The following TMEM63A variants were observed in gnomAD, a reference collection of about 807,000 sequenced individuals.
TMEM63A encodes the protein mechanosensitive cation channel TMEM63A.
In TMEM63A, 76 loss-of-function variants were observed where a neutral mutation model predicts 100.6. The ratio of observed to expected loss-of-function variants is 0.76; its 90% CI spans 0.63 to 0.91. The LOEUF is 0.91. TMEM63A is among the 40% of genes least tolerant of loss of function. TMEM63A has a pLI of 0.00. For missense variants in TMEM63A, 876 were observed against 1,008.8 expected (o/e 0.87, Z 1.78); for synonymous variants, 401 against 401.1 (o/e 1.00, Z 0.00).
Position 225,877,596 on chromosome 1 carries a change from T to C in TMEM63A, c.-14-2A>G. 6.2e-7 allele frequency: 1 copy of C among 1,609,976 alleles called. No individual in the cohort carries two copies. Among genetic ancestry groups the C allele is most frequent in the Non-Finnish European group, 8.5e-7 (1 of 1,177,586 alleles). On this transcript the variant is annotated splice_acceptor_variant, in intron 2 of 24. Transcript: ENST00000366835. LOFTEE classifies it low-confidence loss of function (5UTR_SPLICE). Reference sequence around the variant, plus strand: ...AGTCCATCATCGCGCCTGTCTTCCCTGGAGCACAGGACAACAGGACAAGGC... The same window carrying C: ...AGTCCATCATCGCGCCTGTCTTCCCCGGAGCACAGGACAACAGGACAAGGC...
intron 2 of TMEM63A, among the ~76,000 whole-genome samples, chr1:225,878,726 C>T (rs1241182202): frequency 6.6e-6 from 1 of 152,128 alleles, no homozygotes; most frequent in African/African-American, 2.4e-5. Context: ...CTAGCTGTTA[C>T]AGGGACAAAG....
chr1:225,859,649 G>GCTTTT (rs746371875), intron 14 of TMEM63A: 5,353 of 268,698 alleles, frequency 0.02, 283 homozygotes, highest in African/African-American at 0.12. Context: ...TTCTTTTTCT[G>GCTTTT]TTTTTTTTTT....
intron 5 of TMEM63A, chr1:225,871,715 T>C (rs1202949846): frequency 4.7e-6 from 2 of 427,246 alleles, no homozygotes; most frequent in Non-Finnish European, 8.3e-6. Context: ...TTAACTGTCA[T>C]ACAAAGCCAT....
intron 6 of TMEM63A, 32 bp downstream of exon 6, chr1:225,871,044 G>T: frequency 6.2e-7 from 1 of 1,612,294 alleles, no homozygotes; most frequent in Admixed American, 1.7e-5. Context: ...CAGCCCAAAG[G>T]CCCCCCAGCA....
At chr1:225,877,696 C>T (rs1670879992) in intron 2 of TMEM63A, 102 bp from the exon 3 acceptor site, 1 of 1,220,028 alleles carries the variant, frequency 8.2e-7, no homozygotes, top group Non-Finnish European at 1.1e-6. Context: ...TTCCCAGGGA[C>T]TGATCGGGCA....
chr1:225,843,000 C>T (rs960735202), downstream of TMEM63A, among the ~76,000 whole-genome samples: 1 of 152,208 alleles, frequency 6.6e-6, no homozygotes, highest in African/African-American at 2.4e-5. Context: ...GGGCCCATCC[C>T]TTTATTCCTT....
Position 225,867,201 on chromosome 1 carries a change from T to A in TMEM63A, c.515-38A>T. Reference sequence around the variant, plus strand: ...ACAGATACTTAGTTCCAGGGTCATGTGGGGAAGCAGGAGGGGGCGTAACCA... The same window carrying A: ...ACAGATACTTAGTTCCAGGGTCATGAGGGGAAGCAGGAGGGGGCGTAACCA... On this transcript the variant is annotated intron_variant, in intron 7 of 24. Coordinates refer to ENST00000366835, the MANE Select transcript of TMEM63A (RefSeq NM_014698.3). The surrounding 1 kb of genome is among the most constrained non-coding windows in gnomAD (Gnocchi z 4.6). The A allele has an allele frequency of 6.2e-7, 1 of 1,611,424 alleles. No homozygotes were observed. Among genetic ancestry groups the A allele is most frequent in the Non-Finnish European group, 8.5e-7 (1 of 1,177,574 alleles).
At chr1:225,847,542 G>A (rs1032663805) in intron 23 of TMEM63A, 1 of 227,780 alleles carries the variant, frequency 4.4e-6, no homozygotes, top group African/African-American at 2.3e-5. Flanking sequence ...TACCTATATA[G>A]GGGGGCTTAG....
intron 6 of TMEM63A, among the ~76,000 whole-genome samples, chr1:225,870,786 G>A (rs1307190329): frequency 6.6e-6 from 1 of 152,122 alleles, no homozygotes; most frequent in Non-Finnish European, 1.5e-5. Context: ...CTATCTTCAA[G>A]AACTCTTGGG....
chr1:225,845,893 C>T lies in TMEM63A; in HGVS notation c.*1046G>A. Reference sequence around the variant, plus strand: ...CCTACAGAGGTGCCAAGGCCCCAGGCCAGTTGTGCTAGGAGCCTGGACCTG... The same window carrying T: ...CCTACAGAGGTGCCAAGGCCCCAGGTCAGTTGTGCTAGGAGCCTGGACCTG... On this transcript the variant is annotated 3_prime_UTR_variant, in exon 25 of 25. Coordinates refer to ENST00000366835, the MANE Select transcript of TMEM63A (RefSeq NM_014698.3). The T allele has an allele frequency of 1.1e-5, 2 of 188,792 alleles. No homozygotes were observed. Among genetic ancestry groups the T allele is most frequent in the Non-Finnish European group, 1.1e-5 (1 of 89,626 alleles). 11.7% of individuals were successfully genotyped at this position (188,792 alleles called of 1,614,324 possible). A position where few individuals can be genotyped will look rare whatever the true frequency, so the allele number is the denominator to read the frequency against.
chr1:225,847,066 C>T lies in TMEM63A; in HGVS notation c.2398G>A (p.Val800Met). 6.2e-7 allele frequency: 1 copy of T among 1,612,786 alleles called. No homozygotes were observed. Among genetic ancestry groups the T allele is most frequent in the Non-Finnish European group, 8.5e-7 (1 of 1,179,490 alleles). Reference protein sequence around the residue: ...QCLAQSATGSVAAAPQEA With the variant: ...QCLAQSATGSMAAAPQEA ...CAGGCCTCCTGGGGGGCAGCAGCCA[C>T]ACTGCCCGTGGCGCTCTGCGCCAAG... Residue 800 changes from valine to methionine, a missense_variant, in exon 24 of 25, where the codon GTG becomes ATG. Val to Met is a conservative substitution (Grantham distance 21). Coordinates refer to ENST00000366835, the MANE Select transcript of TMEM63A (RefSeq NM_014698.3).
rs769464577 is a variant in TMEM63A at position 225,850,034 on chromosome 1, A to AG, written c.1948dup (p.Leu650ProfsTer87). On this transcript the variant is annotated frameshift_variant, in exon 21 of 25. Coordinates refer to ENST00000366835, the MANE Select transcript of TMEM63A (RefSeq NM_014698.3). LOFTEE classifies it high-confidence loss of function. ...CTTGGCTGGGAGGTAGACGAAGTAG[A>AG]GGTTGTGCCGGTCCACCATGTGCTT... is the stretch of plus-strand genomic sequence containing the variant. 4 of 1,614,042 alleles carry AG rather than the reference A, an allele frequency of 2.5e-6. No individual in the cohort carries two copies. The Middle Eastern group carries it at 4.9e-4, about 199-fold the overall frequency.
chr1:225,876,951 G>A (rs886480327), intron 3 of TMEM63A, among the ~76,000 whole-genome samples: 3 of 152,094 alleles, frequency 2.0e-5, no homozygotes, highest in African/African-American at 7.2e-5. Context: ...ACCTGGCCCA[G>A]CTTCTGATTC....
intron 4 of TMEM63A, among the ~76,000 whole-genome samples, chr1:225,872,668 G>A (rs975886512): frequency 6.7e-6 from 1 of 148,786 alleles, no homozygotes; most frequent in Non-Finnish European, 1.5e-5. Flanking sequence ...TTTGCAATAC[G>A]TATATGTGAC....
At chr1:225,857,391 G>C (rs201102201) in intron 15 of TMEM63A, among the ~76,000 whole-genome samples, 32 of 133,182 alleles carry the variant, frequency 2.4e-4, no homozygotes, top group Admixed American at 4.5e-4. Context: ...GGGCGGGGGG[G>C]GGGGGGTGCC....
chr1:225,851,580 GGTT>G, intron 20 of TMEM63A, among the ~76,000 whole-genome samples: 1 of 152,148 alleles, frequency 6.6e-6, no homozygotes, highest in South Asian at 2.1e-4. Flanking sequence ...ATATTGGCCA[GGTT>G]GTTCTTGAAC....
chr1:225,879,881 G>A (rs921799522), intron 1 of TMEM63A, among the ~76,000 whole-genome samples: 1 of 152,214 alleles, frequency 6.6e-6, no homozygotes, highest in Non-Finnish European at 1.5e-5. Flanking sequence ...GAAATGTGAA[G>A]TGGAAAGAAA....
chr1:225,859,625 A>C (rs1669832037), intron 14 of TMEM63A: 1 of 415,032 alleles, frequency 2.4e-6, no homozygotes. Flanking sequence ...AGGCTCCAGC[A>C]TGGCATTTAT....
intron 20 of TMEM63A, among the ~76,000 whole-genome samples, chr1:225,851,540 T>C (rs564499525): frequency 6.6e-6 from 1 of 152,272 alleles, no homozygotes; most frequent in African/African-American, 2.4e-5. Flanking sequence ...CAGTTAATTT[T>C]TGTATTTTTA....
Sources: allele counts gnomAD v4.1 joint callset (sites outside exome capture counted in the v4.1 genomes callset), GRCh38; gene constraint gnomAD v4.1.1; non-coding constraint Gnocchi (gnomAD v3.1); transcripts MANE v1.5; gene names NCBI Gene and HGNC (gene_info 2026-07-23, HGNC 2026-07-21).